Variants in PRKAR1B observed in about 807,000 individuals in gnomAD.
PRKAR1B encodes cAMP-dependent protein kinase type I-beta regulatory subunit.
In PRKAR1B, 22 loss-of-function variants were observed where a neutral mutation model predicts 46.5. The ratio of observed to expected loss-of-function variants is 0.47; its 90% CI spans 0.34 to 0.68. The LOEUF is 0.68. Ranked by LOEUF, PRKAR1B falls within the 30% of genes least tolerant of loss-of-function variation. The pLI is 0.01. For missense variants in PRKAR1B, 445 were observed against 535.6 expected (o/e 0.83, Z 1.67); for synonymous variants, 259 against 217.7 (o/e 1.19, Z -1.67).
At chr7:588,459 ATGGTGG>A (rs1405341901) in intron 7 of PRKAR1B, among the ~76,000 whole-genome samples, 1 of 133,144 alleles carries the variant, frequency 7.5e-6, no homozygotes, top group African/African-American at 2.8e-5. Flanking sequence ...GGTGATGGTG[ATGGTGG>A]TGATGGTGAT....
chr7:717,536 T>C (rs1780924282), intron 1 of PRKAR1B, among the ~76,000 whole-genome samples: 1 of 151,918 alleles, frequency 6.6e-6, no homozygotes, highest in Non-Finnish European at 1.5e-5. Flanking sequence ...TGCACACCTG[T>C]AGTCCCAGCT....
chr7:712,829 G>A lies in PRKAR1B; in HGVS notation c.-22-1302C>T, dbSNP rs182801847. On this transcript the variant is annotated intron_variant, in intron 1 of 10. Transcript: ENST00000537384. Reference sequence around the variant, plus strand: ...CTCCCGCCCCGTTCACGACCACCGCGGCTGCCTGAGCTGCTCACACCTAGG... The same window carrying A: ...CTCCCGCCCCGTTCACGACCACCGCAGCTGCCTGAGCTGCTCACACCTAGG... The A allele has an allele frequency of 8.7e-5, 13 of 150,280 alleles. No individual in the cohort carries two copies. The East Asian group carries it at 2.6e-3, about 30-fold the overall frequency. 9.3% of individuals were successfully genotyped at this position (150,280 alleles called of 1,614,324 possible). A position where few individuals can be genotyped will look rare whatever the true frequency, so the allele number is the denominator to read the frequency against.
chr7:633,744 A>C (rs1040783258), intron 4 of PRKAR1B, among the ~76,000 whole-genome samples: 53 of 152,040 alleles, frequency 3.5e-4, no homozygotes, highest in African/African-American at 1.3e-3. Flanking sequence ...GAGGTGATTT[A>C]AAGGAGCTGC....
At position 711,545 on chromosome 7, in the gene PRKAR1B, A is replaced by G; in HGVS notation, c.-22-18T>C. 2 of 1,604,782 alleles carry G rather than the reference A, an allele frequency of 1.2e-6. No homozygotes were observed. The highest frequency in any genetic ancestry group is 8.5e-7 in the Non-Finnish European group (1 of 1,174,396). On this transcript the variant is annotated intron_variant, in intron 1 of 10. Transcript: ENST00000537384. ...CTTCCTTCCTGTCCAGAAAACACAC[A>G]GATCCCCAGGCCTGAGAGCTGCCCG...
rs151094217 is a variant in PRKAR1B, at chr7:604,757, G to A, written c.549+1436C>T. ...TGGCCGGGACAGAGGCACAGCCACCGGAGGCCAGACCTCGAAATAGCTCGT... is the reference window on the plus strand; with the variant it reads ...TGGCCGGGACAGAGGCACAGCCACCAGAGGCCAGACCTCGAAATAGCTCGT... On this transcript the variant is annotated intron_variant, in intron 6 of 10. Transcript: ENST00000537384. Among the ~76,000 whole-genome samples, 95 of 152,332 alleles carry A rather than the reference G, an allele frequency of 6.2e-4. 1 individual carries two copies. Among genetic ancestry groups the A allele is most frequent in the Admixed American group, 2.2e-3 (34 of 15,306 alleles).
intron 2 of PRKAR1B, 31 bp from the exon 3 acceptor site, chr7:680,757 G>A (rs769043190): frequency 6.2e-7 from 1 of 1,613,188 alleles, no homozygotes; most frequent in Middle Eastern, 1.7e-4. Flanking sequence ...CAGAAAGGAA[G>A]TAAGAACCTG....
At chr7:694,644 A>G (rs577099882) in intron 2 of PRKAR1B, among the ~76,000 whole-genome samples, 5 of 151,890 alleles carry the variant, frequency 3.3e-5, no homozygotes, top group African/African-American at 1.2e-4. Flanking sequence ...TTCTGCTCAG[A>G]CCTCTGTGAG....
At chr7:629,563 C>G (rs369903493) in intron 4 of PRKAR1B, among the ~76,000 whole-genome samples, 200 of 26,714 alleles carry the variant, frequency 7.5e-3, no homozygotes, top group Middle Eastern at 0.036. Flanking sequence ...CACGGCCTCC[C>G]AGGGCGCCAC....
At chr7:598,937 G>T (rs1781435360) in intron 6 of PRKAR1B, among the ~76,000 whole-genome samples, 1 of 152,254 alleles carries the variant, frequency 6.6e-6, no homozygotes, top group South Asian at 2.1e-4. Context: ...AGAGAAGGGT[G>T]AGTCTCCACA....
At chr7:607,065 G>A (rs188703197) in intron 5 of PRKAR1B, among the ~76,000 whole-genome samples, 36 of 151,714 alleles carry the variant, frequency 2.4e-4, no homozygotes, top group Admixed American at 2.6e-4. Flanking sequence ...GTGCAATGGC[G>A]TGATCTCAGC....
intron 7 of PRKAR1B, 57 bp downstream of exon 7, chr7:596,089 A>C: frequency 6.3e-7 from 1 of 1,576,186 alleles, no homozygotes; most frequent in Non-Finnish European, 8.6e-7. Context: ...TAGGGTTCCC[A>C]GGGACGCCTG....
chr7:607,460 G>A lies in PRKAR1B; in HGVS notation c.441-8C>T, dbSNP rs1782159600. 4 of 1,613,032 alleles carry A rather than the reference G, an allele frequency of 2.5e-6. No homozygotes were observed. The South Asian group carries it at 4.4e-5, about 18-fold the overall frequency. ...ATGGCATCGAATATGTCACTGAAAA[G>A]CAAAACACGCCAAATTAGGGCTGCA... On this transcript the variant is annotated splice_polypyrimidine_tract_variant and splice_region_variant and intron_variant, in intron 4 of 10. Transcript: ENST00000537384.
intron 9 of PRKAR1B, among the ~76,000 whole-genome samples, chr7:572,922 C>T (rs562319834): frequency 2.0e-5 from 3 of 152,362 alleles, no homozygotes; most frequent in Admixed American, 6.5e-5. Context: ...CCAGGGAGAG[C>T]GAGGGACCGG....
intron 6 of PRKAR1B, among the ~76,000 whole-genome samples, chr7:605,559 C>T (rs1781980624): frequency 6.6e-6 from 1 of 152,176 alleles, no homozygotes; most frequent in Admixed American, 6.5e-5. Flanking sequence ...CTATTTTATA[C>T]ATACACATAC....
chr7:692,428 CAGAGAGAG>C (rs138479588), intron 2 of PRKAR1B, among the ~76,000 whole-genome samples: 1 of 148,444 alleles, frequency 6.7e-6, no homozygotes, highest in Non-Finnish European at 1.5e-5. Context: ...GACAGAGAGA[CAGAGAGAG>C]AGAGAGAGAA....
chr7:692,979 G>A, intron 2 of PRKAR1B, among the ~76,000 whole-genome samples: 1 of 151,858 alleles, frequency 6.6e-6, no homozygotes, highest in Admixed American at 6.6e-5. Context: ...CTGTTGCCCA[G>A]GCTGGAGGGC....
intron 10 of PRKAR1B, 70 bp downstream of exon 10, chr7:551,319 C>T: frequency 6.9e-7 from 1 of 1,458,026 alleles, no homozygotes; most frequent in Non-Finnish European, 9.4e-7. Context: ...TCCTCACCTC[C>T]AGGCCCCTCC....
At position 666,426 on chromosome 7, in the gene PRKAR1B, T is replaced by C. The variant is rs1355589867; in HGVS notation, c.440+10803A>G. Among the ~76,000 whole-genome samples, 1 of 152,130 alleles carries C rather than the reference T, an allele frequency of 6.6e-6. No homozygotes were observed. Among genetic ancestry groups the C allele is most frequent in the Non-Finnish European group, 1.5e-5 (1 of 68,034 alleles). On this transcript the variant is annotated intron_variant, in intron 4 of 10. Transcript: ENST00000537384. The surrounding 1 kb of genome is among the most constrained non-coding windows in gnomAD (Gnocchi z 4.9). ...ACTGCCCCGGGCACCCCAGGTAGGA[T>C]GCGGAATCTGCTTCGCTCCAATAGC...
At chr7:638,088 G>A (rs1310745087) in intron 4 of PRKAR1B, among the ~76,000 whole-genome samples, 2 of 152,232 alleles carry the variant, frequency 1.3e-5, no homozygotes, top group East Asian at 1.9e-4. Context: ...AAGCACCAGC[G>A]TTGTCTGTGT....
Sources: allele counts gnomAD v4.1 joint callset (sites outside exome capture counted in the v4.1 genomes callset), GRCh38; gene constraint gnomAD v4.1.1; non-coding constraint Gnocchi (gnomAD v3.1); transcripts MANE v1.5; gene names NCBI Gene and HGNC (gene_info 2026-07-23, HGNC 2026-07-21).